ITGBL1: variants seen among roughly 807,000 people sequenced by gnomAD.
The protein encoded by ITGBL1 is integrin beta-like protein 1.
ITGBL1 carries 51 observed loss-of-function variants against 68.5 expected under a neutral mutation model. That is an observed-to-expected ratio of 0.74 (90% confidence interval 0.59 to 0.94). The LOEUF (loss-of-function observed/expected upper bound fraction) is 0.94, where lower values mean the gene tolerates loss of function less well. ITGBL1 is among the 40% of genes least tolerant of loss of function. The pLI is 0.00. For missense variants in ITGBL1, 649 were observed against 647.4 expected (o/e 1.00, Z -0.03); for synonymous variants, 209 against 227.3 (o/e 0.92, Z 0.72).
intron 2 of ITGBL1, among the ~76,000 whole-genome samples, chr13:101,478,432 A>T (rs1260250339): frequency 6.6e-6 from 1 of 152,128 alleles, no homozygotes; most frequent in Admixed American, 6.5e-5. Flanking sequence ...CACGATACGG[A>T]TGCCCACTTT....
At chr13:101,491,677 C>T (rs1010305276) in intron 2 of ITGBL1, among the ~76,000 whole-genome samples, 5 of 152,030 alleles carry the variant, frequency 3.3e-5, no homozygotes, top group Non-Finnish European at 5.9e-5. Context: ...GCAGAATGTG[C>T]AGGTTTGTTA....
intron 7 of ITGBL1, among the ~76,000 whole-genome samples, chr13:101,625,124 C>T (rs909558015): frequency 6.6e-6 from 1 of 152,138 alleles, no homozygotes; most frequent in Non-Finnish European, 1.5e-5. Context: ...ATTACCTTTC[C>T]TGTTTTACCA....
intron 2 of ITGBL1, among the ~76,000 whole-genome samples, chr13:101,499,539 G>C (rs1195338356): frequency 6.6e-6 from 1 of 152,176 alleles, no homozygotes; most frequent in African/African-American, 2.4e-5. Context: ...TCCCGACTTT[G>C]ACTTTCACTA....
At chr13:101,616,576 C>T (rs922086498) in intron 7 of ITGBL1, among the ~76,000 whole-genome samples, 19 of 152,056 alleles carry the variant, frequency 1.2e-4, no homozygotes, top group African/African-American at 4.1e-4. Context: ...CTCCAGCCTC[C>T]GCCTCCCAGG....
intron 8 of ITGBL1, among the ~76,000 whole-genome samples, chr13:101,703,451 A>C (rs954450965): frequency 6.6e-6 from 1 of 152,242 alleles, no homozygotes; most frequent in African/African-American, 2.4e-5. Context: ...TCTGTTTTTC[A>C]AGAAGCTAAA....
chr13:101,629,103 C>G (rs987445117), intron 7 of ITGBL1, among the ~76,000 whole-genome samples: 2 of 152,072 alleles, frequency 1.3e-5, no homozygotes, highest in African/African-American at 4.8e-5. Flanking sequence ...TCTGCTGAGT[C>G]TGAAATTTAG....
chr13:101,678,141 A>G (rs2033550287), intron 7 of ITGBL1, among the ~76,000 whole-genome samples: 1 of 152,224 alleles, frequency 6.6e-6, no homozygotes, highest in South Asian at 2.1e-4. Context: ...ATTTGAGGAT[A>G]AGTTGCTCAC....
At chr13:101,584,255 A>G (rs542780044) in intron 6 of ITGBL1, among the ~76,000 whole-genome samples, 1 of 152,290 alleles carries the variant, frequency 6.6e-6, no homozygotes, top group East Asian at 1.9e-4. Flanking sequence ...GGAGTTTGCA[A>G]TCTAAATGCA....
Position 101,655,964 on chromosome 13 carries a change from A to G in ITGBL1, c.1016-36621A>G, listed in dbSNP as rs572432735. On this transcript the variant is annotated intron_variant, in intron 7 of 10. Transcript: ENST00000376180. The stretch of plus-strand genomic sequence containing the variant: ...TGTGTCGAAGGTACAGCTTGGTTTT[A>G]TCTATTTTAGGATGGCGTGAGACAT... Among the ~76,000 whole-genome samples the G allele has an allele frequency of 8.5e-5, 13 of 152,240 alleles. No individual in the cohort carries two copies. The South Asian group carries it at 2.1e-3, about 24-fold the overall frequency.
intron 7 of ITGBL1, among the ~76,000 whole-genome samples, chr13:101,627,843 T>G (rs2031838924): frequency 6.6e-6 from 1 of 152,224 alleles, no homozygotes; most frequent in Non-Finnish European, 1.5e-5. Flanking sequence ...TATTTAACCA[T>G]TCACCTACTG....
At chr13:101,456,830 G>A (rs1470789877) in intron 2 of ITGBL1, among the ~76,000 whole-genome samples, 6 of 152,262 alleles carry the variant, frequency 3.9e-5, no homozygotes, top group East Asian at 3.9e-4. Context: ...CAGGAGAATC[G>A]CTTGAACCCG....
chr13:101,645,423 G>A (rs1359119874), intron 7 of ITGBL1, among the ~76,000 whole-genome samples: 5 of 151,750 alleles, frequency 3.3e-5, no homozygotes, highest in Non-Finnish European at 5.9e-5. Context: ...GATTGCATTC[G>A]ACAGGATATA....
At chr13:101,535,289 A>G (rs1437341909) in intron 2 of ITGBL1, among the ~76,000 whole-genome samples, 1 of 152,068 alleles carries the variant, frequency 6.6e-6, no homozygotes. Flanking sequence ...AGACTAGGAA[A>G]AGTGTACTCT....
intron 2 of ITGBL1, among the ~76,000 whole-genome samples, chr13:101,535,696 G>A (rs1405143874): frequency 6.6e-6 from 1 of 151,984 alleles, no homozygotes; most frequent in Admixed American, 6.6e-5. Flanking sequence ...CAACAACAAT[G>A]ACAATAACAA....
At chr13:101,596,660 T>G (rs895508639) in intron 6 of ITGBL1, among the ~76,000 whole-genome samples, 10 of 152,156 alleles carry the variant, frequency 6.6e-5, no homozygotes, top group African/African-American at 1.9e-4. Context: ...GCCCCCAGTT[T>G]GACCGTGGTT....
chr13:101,524,232 C>G (rs1004429079), intron 2 of ITGBL1, among the ~76,000 whole-genome samples: 2 of 150,836 alleles, frequency 1.3e-5, no homozygotes, highest in Admixed American at 1.3e-4. Context: ...GCTAGAAATT[C>G]TCTTCATTAG....
At chr13:101,595,603 T>A (rs182905434) in intron 6 of ITGBL1, among the ~76,000 whole-genome samples, 1 of 152,196 alleles carries the variant, frequency 6.6e-6, no homozygotes, top group East Asian at 1.9e-4. Context: ...ATGAAAAAAG[T>A]GCTTAACATC....
At chr13:101,684,053 C>CTAATTATAAT (rs2033700799) in intron 7 of ITGBL1, among the ~76,000 whole-genome samples, 1 of 151,926 alleles carries the variant, frequency 6.6e-6, no homozygotes. Context: ...ACTAGAGCTC[C>CTAATTATAAT]TAATTATAAT....
At chr13:101,597,666 C>T (rs1261349214) in intron 6 of ITGBL1, among the ~76,000 whole-genome samples, 1 of 151,972 alleles carries the variant, frequency 6.6e-6, no homozygotes, top group Non-Finnish European at 1.5e-5. Flanking sequence ...GACTCTCCTG[C>T]CTCAGCCCCC....
Sources: allele counts gnomAD v4.1 joint callset (sites outside exome capture counted in the v4.1 genomes callset), GRCh38; gene constraint gnomAD v4.1.1; transcripts MANE v1.5; gene names NCBI Gene and HGNC (gene_info 2026-07-23, HGNC 2026-07-21).